The following H4C15 variants were observed in gnomAD, a reference collection of about 807,000 sequenced individuals.
The protein encoded by H4C15 is histone H4.
downstream of H4C15, chr1:149,850,198 G>A (rs868970053): frequency 1.4e-6 from 1 of 722,898 alleles, no homozygotes; most frequent in Non-Finnish European, 2.4e-6. Flanking sequence ...ATAGTTATCT[G>A]TGCTTGGTGT....
At chr1:149,844,935 G>C in the H4C15 span, 1 of 152,346 alleles carries the variant, frequency 6.6e-6, no homozygotes, top group East Asian at 1.9e-4. Context: ...ATGGAGGTAG[G>C]GGTGAGACAG....
downstream of H4C15, chr1:149,850,610 A>T: frequency 1.8e-6 from 1 of 543,082 alleles, no homozygotes; most frequent in East Asian, 2.9e-5. Flanking sequence ...CTTGCACCAG[A>T]TGCCGGTGTC....
chr1:149,846,547 AC>A, the H4C15 span: 1 of 152,174 alleles, frequency 6.6e-6, no homozygotes, highest in Admixed American at 6.6e-5. Flanking sequence ...AAAATTTTAA[AC>A]CTACAGAAAA....
At chr1:149,849,578 T>C (rs2092162234), downstream of H4C15, among the ~76,000 whole-genome samples, 1 of 152,202 alleles carries the variant, frequency 6.6e-6, no homozygotes, top group Admixed American at 6.5e-5. Flanking sequence ...TCTTCAGGGA[T>C]CCCAAACTCT....
the H4C15 span, chr1:149,846,294 CAA>C: frequency 6.6e-6 from 1 of 152,160 alleles, no homozygotes; most frequent in Non-Finnish European, 1.5e-5. Flanking sequence ...TGTGCAATCA[CAA>C]AAGTCACCAT....
chr1:149,844,542 A>C, the H4C15 span: 1 of 152,156 alleles, frequency 6.6e-6, no homozygotes, highest in Non-Finnish European at 1.5e-5. Context: ...TAGGATTTAA[A>C]ATACATTTCA....
At chr1:149,850,280 T>G (rs1410611397), downstream of H4C15, 6 of 1,359,024 alleles carry the variant, frequency 4.4e-6, no homozygotes, top group East Asian at 7.4e-5. Context: ...CAAGAAAGAT[T>G]CTTTAACTGA....
chr1:149,855,384 G>GGTGTGTGTGTGTGTGT (rs1162535434), downstream of H4C15, among the ~76,000 whole-genome samples: 219 of 139,242 alleles, frequency 1.6e-3, 5 homozygotes, highest in Middle Eastern at 0.011. Flanking sequence ...GTGGGGGACA[G>GGTGTGTGTGTGTGTGT]GTGTGTGTGT....
At chr1:149,845,015 C>G in the H4C15 span, 2 of 152,186 alleles carry the variant, frequency 1.3e-5, no homozygotes, top group Non-Finnish European at 2.9e-5. Context: ...ACCTGCATGG[C>G]GTTCGGTAAA....
chr1:149,855,423 GT>G (rs1294339676), downstream of H4C15, among the ~76,000 whole-genome samples: 8 of 141,586 alleles, frequency 5.7e-5, no homozygotes, highest in Non-Finnish European at 1.3e-4. Flanking sequence ...GTGTGTGTGT[GT>G]TTAGAGGGAA....
chr1:149,845,576 G>C, the H4C15 span: 1 of 152,270 alleles, frequency 6.6e-6, no homozygotes, highest in African/African-American at 2.4e-5. Context: ...GTGAATGTGA[G>C]AAATATGCAA....
the H4C15 span, chr1:149,846,671 C>G: frequency 1.3e-5 from 2 of 152,178 alleles, no homozygotes; most frequent in Non-Finnish European, 2.9e-5. Context: ...CAGACAGCCT[C>G]TGAACCATTT....
chr1:149,849,718 A>G (rs587695293), downstream of H4C15, among the ~76,000 whole-genome samples: 1 of 152,354 alleles, frequency 6.6e-6, no homozygotes, highest in East Asian at 1.9e-4. Flanking sequence ...GGGTATCTCA[A>G]CTAGAAAGCG....
chr1:149,850,789 C>G (rs1553757748), downstream of H4C15: 33,786 of 96,722 alleles, frequency 0.35, no homozygotes, highest in Admixed American at 0.41. Context: ...GACCCAAGAC[C>G]GACACCGACC....
At chr1:149,850,203 T>C, downstream of H4C15, 1 of 735,462 alleles carries the variant, frequency 1.4e-6, no homozygotes, top group Non-Finnish European at 2.4e-6. Flanking sequence ...TATCTGTGCT[T>C]GGTGTTGTGT....
chr1:149,855,411 G>GTGTGTA (rs2092181994), downstream of H4C15, among the ~76,000 whole-genome samples: 3 of 146,810 alleles, frequency 2.0e-5, no homozygotes, highest in African/African-American at 7.4e-5. Flanking sequence ...GTGTGTGTGT[G>GTGTGTA]TGTGTGTGTG....
chr1:149,855,364 C>T (rs1364191636), downstream of H4C15, among the ~76,000 whole-genome samples: 2 of 128,590 alleles, frequency 1.6e-5, no homozygotes, highest in African/African-American at 2.9e-5. Context: ...TTTAATTCTG[C>T]CTTAGGCTAG....
At chr1:149,848,793 T>C in the H4C15 span, 5 of 152,212 alleles carry the variant, frequency 3.3e-5, no homozygotes, top group African/African-American at 2.4e-5. Flanking sequence ...ACATACATTA[T>C]AGGACTATGA....
At chr1:149,844,997 T>A in the H4C15 span, 2 of 152,242 alleles carry the variant, frequency 1.3e-5, no homozygotes, top group Non-Finnish European at 2.9e-5. Flanking sequence ...ATCTTCCTTT[T>A]AACAGCCACC....
Sources: gnomAD v4.1 joint callset for allele counts (sites outside exome capture counted in the v4.1 genomes callset) on GRCh38, gnomAD v4.1.1 for gene constraint, MANE v1.5 for transcripts, NCBI Gene and HGNC (gene_info 2026-07-23, HGNC 2026-07-21) for gene names.